MME: variants seen among roughly 807,000 people sequenced by gnomAD.
The protein encoded by MME is neprilysin.
MME carries 98 observed loss-of-function variants against 113.2 expected under a neutral mutation model. That is an observed-to-expected ratio of 0.87 (90% CI 0.74 to 1.02). The LOEUF (loss-of-function observed/expected upper bound fraction) is 1.02, where lower values mean the gene tolerates loss of function less well. Among genes scored for constraint, MME ranks in the 50% least tolerant of loss-of-function variants. MME has a pLI of 0.00. For missense variants in MME, 836 were observed against 896.0 expected (o/e 0.93, Z 0.86); for synonymous variants, 292 against 300.6 (o/e 0.97, Z 0.30).
chr3:155,061,739 G>A (rs1223146608), intron 1 of MME, among the ~76,000 whole-genome samples: 3 of 145,970 alleles, frequency 2.1e-5, no homozygotes, highest in Non-Finnish European at 4.5e-5. Flanking sequence ...TTGGCTCACT[G>A]CAAACTCTGC....
At chr3:155,074,326 A>T (rs536440933) in intron 1 of MME, among the ~76,000 whole-genome samples, 11 of 152,292 alleles carry the variant, frequency 7.2e-5, no homozygotes, top group Admixed American at 5.9e-4. Context: ...CTCAATTGAC[A>T]TATATTGATA....
intron 1 of MME, among the ~76,000 whole-genome samples, chr3:155,041,509 A>G (rs1576665127): frequency 6.6e-6 from 1 of 152,170 alleles, no homozygotes. Flanking sequence ...ATTAAAATAA[A>G]TTTTTAAAGA....
intron 1 of MME, among the ~76,000 whole-genome samples, chr3:155,082,178 TAA>T (rs1324389949): frequency 1.6e-4 from 25 of 152,166 alleles, no homozygotes; most frequent in Non-Finnish European, 2.9e-5. Flanking sequence ...ACCTGTAATT[TAA>T]CCCTGAGGCT....
intron 1 of MME, among the ~76,000 whole-genome samples, chr3:155,074,365 G>T (rs1016787779): frequency 6.6e-6 from 1 of 151,872 alleles, no homozygotes; most frequent in Non-Finnish European, 1.5e-5. Flanking sequence ...TTCAGTTATA[G>T]GTTTCTTCAC....
chr3:155,070,199 T>G (rs1714508158), intron 1 of MME, among the ~76,000 whole-genome samples: 1 of 152,236 alleles, frequency 6.6e-6, no homozygotes, highest in Non-Finnish European at 1.5e-5. Flanking sequence ...TTAATTTTTC[T>G]GGCCTAGTTT....
At chr3:155,105,916 A>G (rs1417114447) in intron 3 of MME, among the ~76,000 whole-genome samples, 1 of 152,196 alleles carries the variant, frequency 6.6e-6, no homozygotes, top group Non-Finnish European at 1.5e-5. Flanking sequence ...TTGTATATTT[A>G]AATCTGATAG....
At chr3:155,137,984 T>A (rs1720764487) in intron 8 of MME, 118 bp from the exon 9 acceptor site, 2 of 1,149,204 alleles carry the variant, frequency 1.7e-6, no homozygotes, top group Admixed American at 3.8e-5. Context: ...GAAAAGGATT[T>A]TTATTTTACT....
chr3:155,140,278 G>C lies in MME; in HGVS notation c.943G>C (p.Glu315Gln). The C allele has an allele frequency of 6.2e-7, 1 of 1,608,122 alleles. No individual in the cohort carries two copies. The highest frequency in any genetic ancestry group is 8.5e-7 in the Non-Finnish European group (1 of 1,175,008). Residue 315 changes from glutamate to glutamine, a missense_variant, in exon 10 of 23, where the codon GAG (glutamate) becomes CAG (glutamine). By Grantham distance (29) the Glu-to-Gln change is conservative. Coordinates refer to ENST00000360490, the MANE Select transcript of MME (RefSeq NM_007289.4). The stretch of plus-strand genomic sequence containing the variant: ...CCAGATCCAAAATAACTTTTCACTA[G>C]AGATCAATGGGAAGGTAAGTGGTAA... ...LAQIQNNFSLEINGKPFSWLN... is the reference protein window; with the variant it reads ...LAQIQNNFSLQINGKPFSWLN...
At chr3:155,092,995 T>G (rs1346137501) in intron 3 of MME, among the ~76,000 whole-genome samples, 1 of 151,966 alleles carries the variant, frequency 6.6e-6, no homozygotes, top group Non-Finnish European at 1.5e-5. Context: ...CTGTGTAAAT[T>G]TACCAAAAAT....
intron 3 of MME, among the ~76,000 whole-genome samples, chr3:155,088,946 G>A (rs910311553): frequency 1.6e-4 from 24 of 152,232 alleles, no homozygotes; most frequent in African/African-American, 4.3e-4. Context: ...TTGAAGTCAA[G>A]GAATACAGAA....
At chr3:155,159,168 A>G (rs2108348487) in intron 16 of MME, among the ~76,000 whole-genome samples, 1 of 152,176 alleles carries the variant, frequency 6.6e-6, no homozygotes, top group East Asian at 1.9e-4. Flanking sequence ...ACAGCCCAAA[A>G]TAGTTACTGA....
upstream of MME, among the ~76,000 whole-genome samples, chr3:155,074,926 TAC>T (rs750051525): frequency 4.6e-5 from 7 of 152,148 alleles, no homozygotes; most frequent in Non-Finnish European, 1.0e-4. Flanking sequence ...TAAAAAAATA[TAC>T]AGTCTCCAAT....
chr3:155,180,515 G>C lies in MME; in HGVS notation c.*56G>C. The stretch of plus-strand genomic sequence containing the variant: ...AGACTTGCCAACACCACAGAAATGG[G>C]GAATTCTCTAATCGAAAGAAAATGG... On this transcript the variant is annotated 3_prime_UTR_variant, in exon 23 of 23. Transcript: ENST00000360490. The C allele has an allele frequency of 7.3e-7, 1 of 1,372,238 alleles. No individual in the cohort carries two copies. The highest frequency in any genetic ancestry group is 1.0e-6 in the Non-Finnish European group (1 of 960,354). 85.0% of individuals were successfully genotyped at this position (1,372,238 alleles called of 1,614,324 possible).
chr3:155,117,291 G>A (rs987981355), intron 7 of MME, among the ~76,000 whole-genome samples: 2 of 152,106 alleles, frequency 1.3e-5, no homozygotes, highest in Non-Finnish European at 2.9e-5. Context: ...TAATTTCTTT[G>A]TATAGTACTT....
intron 1 of MME, among the ~76,000 whole-genome samples, chr3:155,058,954 T>C (rs1714037843): frequency 6.6e-6 from 1 of 152,124 alleles, no homozygotes. Flanking sequence ...CTCTTAACTA[T>C]TTCCGGATTA....
rs1713264253 is a variant in MME at position 155,183,170 on chromosome 3, A to T, written c.*2711A>T. Reference sequence around the variant, plus strand: ...GGATTGTAGGTGCAAGATGGAAAGGATTGTAGGTGCAAGCTGTCCAGAGAA... The same window carrying T: ...GGATTGTAGGTGCAAGATGGAAAGGTTTGTAGGTGCAAGCTGTCCAGAGAA... On this transcript the variant is annotated 3_prime_UTR_variant, in exon 23 of 23. Transcript: ENST00000360490. The T allele has an allele frequency of 6.6e-6, 1 of 152,252 alleles. No homozygotes were observed. The allele number at this position is 152,252 out of a possible 1,614,324, so 9.4% of individuals were successfully genotyped here. A position where few individuals can be genotyped will look rare whatever the true frequency, so the allele number is the denominator to read the frequency against.
At chr3:155,031,046 C>G (rs1004961757) in intron 1 of MME, among the ~76,000 whole-genome samples, 2 of 152,138 alleles carry the variant, frequency 1.3e-5, no homozygotes, top group African/African-American at 4.8e-5. Flanking sequence ...GAATGATTTT[C>G]TTTAAGTCCT....
intron 3 of MME, among the ~76,000 whole-genome samples, chr3:155,100,842 G>A (rs1717144625): frequency 1.3e-5 from 2 of 152,188 alleles, no homozygotes; most frequent in Admixed American, 6.5e-5. Flanking sequence ...AATGTGGCAA[G>A]ACCCCATCTT....
chr3:155,135,095 A>T (rs1304265951), intron 8 of MME, among the ~76,000 whole-genome samples: 4 of 152,098 alleles, frequency 2.6e-5, no homozygotes, highest in Non-Finnish European at 5.9e-5. Flanking sequence ...TTGTCTGTTT[A>T]CTATGTTCAT....
Sources: allele counts gnomAD v4.1 joint callset (sites outside exome capture counted in the v4.1 genomes callset), GRCh38; gene constraint gnomAD v4.1.1; transcripts MANE v1.5; gene names NCBI Gene and HGNC (gene_info 2026-07-23, HGNC 2026-07-21).